The following FHIT variants were observed in gnomAD, a reference collection of about 807,000 sequenced individuals.
FHIT encodes the protein fragile histidine triad diadenosine triphosphatase, also known as bis(5'-adenosyl)-triphosphatase.
Under a neutral mutation model 17.9 loss-of-function variants are expected in FHIT, and 19 were observed. The observed-to-expected ratio is 1.06, with a 90% CI of 0.74 to 1.56. FHIT has a LOEUF of 1.56. FHIT is among the 40% of genes most tolerant of loss of function. The pLI is 0.00. For synonymous variants in FHIT, 81 were observed against 69.7 expected, an observed-to-expected ratio of 1.16 and a Z score of -0.81; for missense variants, 248 against 189.2, an observed-to-expected ratio of 1.31 and a Z score of -1.82.
At chr3:60,287,341 G>A (rs1456455033) in intron 5 of FHIT, among the ~76,000 whole-genome samples, 1 of 151,930 alleles carries the variant, frequency 6.6e-6, no homozygotes, top group Non-Finnish European at 1.5e-5. Context: ...GCTAATTTTT[G>A]TATTTTTAGT....
At chr3:60,088,248 TC>T (rs1484311339) in intron 5 of FHIT, among the ~76,000 whole-genome samples, 1 of 152,036 alleles carries the variant, frequency 6.6e-6, no homozygotes, top group African/African-American at 2.4e-5. Context: ...TCCGAACACC[TC>T]CCACCAGGCC....
intron 3 of FHIT, among the ~76,000 whole-genome samples, chr3:60,936,504 T>C (rs1708195834): frequency 6.6e-6 from 1 of 152,176 alleles, no homozygotes; most frequent in Non-Finnish European, 1.5e-5. Context: ...ATATGTAAAA[T>C]GTTAAGGGTC....
intron 5 of FHIT, among the ~76,000 whole-genome samples, chr3:60,048,124 C>T (rs2095252298): frequency 6.6e-6 from 1 of 152,126 alleles, no homozygotes; most frequent in African/African-American, 2.4e-5. Flanking sequence ...ATAAGAACAT[C>T]AGCCAGACCA....
chr3:60,652,095 C>A (rs1489243854), intron 4 of FHIT, among the ~76,000 whole-genome samples: 2 of 152,172 alleles, frequency 1.3e-5, no homozygotes, highest in Non-Finnish European at 2.9e-5. Context: ...CCTGGTTATT[C>A]CAGAAAGAAT....
intron 5 of FHIT, among the ~76,000 whole-genome samples, chr3:60,506,419 G>A (rs10510847): frequency 0.44 from 67,251 of 151,982 alleles, 15,125 homozygotes; most frequent in African/African-American, 0.5. Context: ...GCAAATCCAC[G>A]GTTTTAGAGT....
At chr3:59,983,782 A>G (rs1708761738) in intron 7 of FHIT, among the ~76,000 whole-genome samples, 1 of 152,108 alleles carries the variant, frequency 6.6e-6, no homozygotes, top group Admixed American at 6.6e-5. Context: ...TTGCCCCATT[A>G]GTACCAGAAA....
intron 5 of FHIT, among the ~76,000 whole-genome samples, chr3:60,101,725 C>G (rs9813549): frequency 0.27 from 40,963 of 152,076 alleles, 6,145 homozygotes; most frequent in Non-Finnish European, 0.35. Flanking sequence ...AGTATCTGTG[C>G]AATGAATAAA....
chr3:60,357,303 G>A (rs1195942584), intron 5 of FHIT, among the ~76,000 whole-genome samples: 1 of 152,114 alleles, frequency 6.6e-6, no homozygotes, highest in African/African-American at 2.4e-5. Flanking sequence ...TGCCTTCCAG[G>A]TTCAAGCTCA....
chr3:61,115,691 C>T (rs915709632), intron 2 of FHIT, among the ~76,000 whole-genome samples: 1 of 151,888 alleles, frequency 6.6e-6, no homozygotes, highest in Non-Finnish European at 1.5e-5. Context: ...CTTAAAGATA[C>T]CTTGAGACAG....
chr3:60,514,526 T>C lies in FHIT; in HGVS notation c.103+22334A>G, dbSNP rs146079905. ...GGGAGAAGGAGAGCATCAGGTTAAA[T>C]AGCTAATGCATGCAGGGCTTAACAC... On this transcript the variant is annotated intron_variant, in intron 5 of 9. Transcript: ENST00000492590. Among the ~76,000 whole-genome samples, 121 of 152,282 alleles carry C rather than the reference T, an allele frequency of 7.9e-4. 1 individual carries two copies. Among genetic ancestry groups the C allele is most frequent in the Non-Finnish European group, 1.6e-3 (107 of 68,040 alleles).
intron 5 of FHIT, among the ~76,000 whole-genome samples, chr3:60,030,886 T>C (rs1189277229): frequency 6.6e-6 from 1 of 152,208 alleles, no homozygotes; most frequent in African/African-American, 2.4e-5. Context: ...TTTTAGTAAG[T>C]AGAGAGTAGA....
chr3:60,756,178 G>T (rs2108042526), intron 4 of FHIT, among the ~76,000 whole-genome samples: 1 of 152,320 alleles, frequency 6.6e-6, no homozygotes, highest in South Asian at 2.1e-4. Flanking sequence ...AATGCATCTT[G>T]ATTCTCTGTA....
chr3:61,242,740 C>G (rs772278937), intron 1 of FHIT, among the ~76,000 whole-genome samples: 1 of 152,082 alleles, frequency 6.6e-6, no homozygotes, highest in Non-Finnish European at 1.5e-5. Context: ...GAGTGCTGAT[C>G]GGTCGAATTG....
At chr3:60,593,868 CA>C (rs1169449680) in intron 4 of FHIT, among the ~76,000 whole-genome samples, 1 of 151,656 alleles carries the variant, frequency 6.6e-6, no homozygotes, top group East Asian at 1.9e-4. Context: ...TTCTATTTCA[CA>C]AAAAAAACTA....
chr3:60,453,403 A>G (rs981074112), intron 5 of FHIT, among the ~76,000 whole-genome samples: 5 of 152,168 alleles, frequency 3.3e-5, no homozygotes, highest in Admixed American at 6.6e-5. Context: ...CACTCTCCAG[A>G]GGGCTAAACT....
chr3:60,754,962 A>G (rs2042543985), intron 4 of FHIT, among the ~76,000 whole-genome samples: 1 of 152,214 alleles, frequency 6.6e-6, no homozygotes, highest in Admixed American at 6.5e-5. Flanking sequence ...TTAACCTTAA[A>G]TATGCTTTCA....
chr3:59,922,109 A>C (rs1559733049), intron 8 of FHIT, among the ~76,000 whole-genome samples: 1 of 152,182 alleles, frequency 6.6e-6, no homozygotes, highest in African/African-American at 2.4e-5. Flanking sequence ...TAGAAATCAC[A>C]AGGACACTTG....
chr3:60,902,055 T>TAC (rs2107227576), intron 3 of FHIT, among the ~76,000 whole-genome samples: 1 of 152,326 alleles, frequency 6.6e-6, no homozygotes, highest in East Asian at 1.9e-4. Context: ...ACACTTTTAG[T>TAC]ATATATTTAT....
At chr3:60,164,195 C>T (rs1485469855) in intron 5 of FHIT, among the ~76,000 whole-genome samples, 3 of 152,156 alleles carry the variant, frequency 2.0e-5, no homozygotes, top group African/African-American at 4.8e-5. Context: ...AAATGAATCC[C>T]TGGCAGGATG....
Sources: gnomAD v4.1 joint callset for allele counts (sites outside exome capture counted in the v4.1 genomes callset) on GRCh38, gnomAD v4.1.1 for gene constraint, MANE v1.5 for transcripts, NCBI Gene and HGNC (gene_info 2026-07-23, HGNC 2026-07-21) for gene names.